RAB7A: variants seen among roughly 807,000 people sequenced by gnomAD.
The protein encoded by RAB7A is RAB7A, member RAS oncogene family.
In RAB7A, 2 loss-of-function variants were observed where a neutral mutation model predicts 24.5. The observed-to-expected ratio is 0.08, with a 90% confidence interval of 0.03 to 0.26. The LOEUF is 0.26. Ranked by LOEUF, RAB7A falls within the 10% of genes least tolerant of loss-of-function variation. The pLI, the probability that RAB7A is intolerant of heterozygous loss-of-function variation, is 1.00. For missense variants in RAB7A, 118 were observed against 255.7 expected (o/e 0.46, Z 3.67); for synonymous variants, 100 against 95.9 (o/e 1.04, Z -0.25).
chr3:128,749,775 G>A (rs929182151), intron 1 of RAB7A, among the ~76,000 whole-genome samples: 7 of 152,300 alleles, frequency 4.6e-5, no homozygotes, highest in African/African-American at 1.2e-4. Flanking sequence ...GCCTTCTGCC[G>A]TGATTGTGAG....
At chr3:128,792,683 C>T (rs556813955) in intron 1 of RAB7A, among the ~76,000 whole-genome samples, 11 of 151,932 alleles carry the variant, frequency 7.2e-5, no homozygotes, top group Middle Eastern at 3.4e-3. Context: ...GCTGGCATTA[C>T]AGGTGTGAGC....
At chr3:128,740,903 A>G (rs911166084) in intron 1 of RAB7A, among the ~76,000 whole-genome samples, 1 of 95,714 alleles carries the variant, frequency 1.0e-5, no homozygotes, top group East Asian at 2.8e-4. Context: ...GTCTCAAAAA[A>G]AAAAAAAAAA....
intron 1 of RAB7A, among the ~76,000 whole-genome samples, chr3:128,778,071 G>C (rs1006995074): frequency 6.7e-6 from 1 of 149,460 alleles, no homozygotes; most frequent in Non-Finnish European, 1.5e-5. Context: ...TAGATATCAA[G>C]TAGTGAAATG....
intron 1 of RAB7A, among the ~76,000 whole-genome samples, chr3:128,758,742 A>G (rs896092437): frequency 6.6e-6 from 1 of 152,150 alleles, no homozygotes; most frequent in African/African-American, 2.4e-5. Context: ...TTTGGAGTAT[A>G]TCAATGATAT....
At chr3:128,737,825 GTTTT>G (rs56027163) in intron 1 of RAB7A, among the ~76,000 whole-genome samples, 1 of 59,482 alleles carries the variant, frequency 1.7e-5, no homozygotes, top group Non-Finnish European at 3.0e-5. Context: ...TTTTTTTGTA[GTTTT>G]TTTTTTTTTT....
chr3:128,759,580 G>A (rs1269190613), intron 1 of RAB7A, among the ~76,000 whole-genome samples: 1 of 152,198 alleles, frequency 6.6e-6, no homozygotes, highest in African/African-American at 2.4e-5. Context: ...TGAAACCTTT[G>A]ACATTCTGTT....
intron 1 of RAB7A, among the ~76,000 whole-genome samples, chr3:128,755,663 C>T (rs2070723596): frequency 6.6e-6 from 1 of 152,190 alleles, no homozygotes; most frequent in Non-Finnish European, 1.5e-5. Context: ...ACTCTTTCCA[C>T]CTTGGACGAT....
rs1388346001 is a variant in RAB7A at position 128,814,263 on chromosome 3, A to G, written c.*841A>G. On this transcript the variant is annotated 3_prime_UTR_variant, in exon 6 of 6. Coordinates refer to ENST00000265062, the MANE Select transcript of RAB7A (RefSeq NM_004637.6). Reference sequence around the variant, plus strand: ...GTACGCCTTTTATCAAAGACTTAAGAGCCAAAAAGCTTTTCATCTCTCCAG... The same window carrying G: ...GTACGCCTTTTATCAAAGACTTAAGGGCCAAAAAGCTTTTCATCTCTCCAG... 6.5e-6 allele frequency: 1 copy of G among 152,994 alleles called. No homozygotes were observed. The highest frequency in any genetic ancestry group is 1.5e-5 in the Non-Finnish European group (1 of 68,132). The allele number at this position is 152,994 out of a possible 1,614,324, so 9.5% of individuals were successfully genotyped here.
At chr3:128,795,626 G>A (rs1044689495) in intron 2 of RAB7A, among the ~76,000 whole-genome samples, 7 of 151,930 alleles carry the variant, frequency 4.6e-5, no homozygotes, top group Non-Finnish European at 7.4e-5. Flanking sequence ...TATGGGGAAC[G>A]GATGGCTATT....
chr3:128,764,313 A>G (rs1418253278), intron 1 of RAB7A, among the ~76,000 whole-genome samples: 3 of 151,958 alleles, frequency 2.0e-5, no homozygotes, highest in Non-Finnish European at 2.9e-5. Context: ...TTTGGTACCA[A>G]ATTTCTTTAT....
chr3:128,764,875 G>T, intron 1 of RAB7A: 1 of 1,337,446 alleles, frequency 7.5e-7, no homozygotes, highest in Non-Finnish European at 1.1e-6. Flanking sequence ...GTTCCTCAAA[G>T]CCACATCATC....
chr3:128,737,825 GTTTTTTT>G (rs56027163), intron 1 of RAB7A, among the ~76,000 whole-genome samples: 17 of 59,492 alleles, frequency 2.9e-4, no homozygotes, highest in East Asian at 1.2e-3. Flanking sequence ...TTTTTTTGTA[GTTTTTTT>G]TTTTTTTTTT....
At chr3:128,743,784 C>T (rs1273642758) in intron 1 of RAB7A, among the ~76,000 whole-genome samples, 1 of 143,998 alleles carries the variant, frequency 6.9e-6, no homozygotes, top group African/African-American at 2.8e-5. Context: ...AAAATAATTT[C>T]TCTCTCTCTT....
At chr3:128,731,893 T>C (rs940026987) in intron 1 of RAB7A, among the ~76,000 whole-genome samples, 1 of 151,020 alleles carries the variant, frequency 6.6e-6, no homozygotes, top group Non-Finnish European at 1.5e-5. Flanking sequence ...TAGTCCCAGC[T>C]ATTCAGGAGG....
rs765427178 is a variant in RAB7A at position 128,814,620 on chromosome 3, C to G, written c.*1198C>G. On this transcript the variant is annotated 3_prime_UTR_variant, in exon 6 of 6. Coordinates refer to ENST00000265062, the MANE Select transcript of RAB7A (RefSeq NM_004637.6). ...CCCAATATTGCCCATTATTAATTAACCTCTTTCTTTGGTTGGAACCCTGGC... is the reference window on the plus strand; with the variant it reads ...CCCAATATTGCCCATTATTAATTAAGCTCTTTCTTTGGTTGGAACCCTGGC... 6.6e-6 allele frequency: 1 copy of G among 152,624 alleles called. No individual in the cohort carries two copies. Among genetic ancestry groups the G allele is most frequent in the Non-Finnish European group, 1.5e-5 (1 of 68,026 alleles). The allele number at this position is 152,624 out of a possible 1,614,324, so 9.5% of individuals were successfully genotyped here. A position where few individuals can be genotyped will look rare whatever the true frequency, so the allele number is the denominator to read the frequency against.
At chr3:128,778,358 C>G (rs1263456399) in intron 1 of RAB7A, among the ~76,000 whole-genome samples, 1 of 151,800 alleles carries the variant, frequency 6.6e-6, no homozygotes, top group Admixed American at 6.6e-5. Context: ...CCTTTTTTTC[C>G]TAATGTCTCC....
At chr3:128,773,207 C>A (rs1240700931) in intron 1 of RAB7A, among the ~76,000 whole-genome samples, 2 of 151,788 alleles carry the variant, frequency 1.3e-5, no homozygotes, top group African/African-American at 2.4e-5. Context: ...CGGCCGCGAC[C>A]CCGTCTGGGA....
chr3:128,801,809 T>A (rs1015568070), intron 3 of RAB7A, among the ~76,000 whole-genome samples: 2 of 151,898 alleles, frequency 1.3e-5, no homozygotes, highest in Non-Finnish European at 2.9e-5. Context: ...ATCCACTGAC[T>A]CAAGAAGCCC....
intron 1 of RAB7A, chr3:128,748,676 T>G (rs1484418361): frequency 6.6e-6 from 1 of 152,336 alleles, no homozygotes; most frequent in Admixed American, 6.5e-5. Flanking sequence ...AGGGAGTGGC[T>G]CCTGGTGTGG....
Sources: gnomAD v4.1 joint callset for allele counts (sites outside exome capture counted in the v4.1 genomes callset) on GRCh38, gnomAD v4.1.1 for gene constraint, MANE v1.5 for transcripts, NCBI Gene and HGNC (gene_info 2026-07-23, HGNC 2026-07-21) for gene names.